Variants in ZNF804B observed in about 807,000 individuals in gnomAD.
ZNF804B encodes the protein zinc finger 804B.
ZNF804B carries 80 observed loss-of-function variants against 101.4 expected under a neutral mutation model. The ratio of observed to expected loss-of-function variants is 0.79; its 90% CI spans 0.66 to 0.95. The LOEUF (loss-of-function observed/expected upper bound fraction) is 0.95, where lower values mean the gene tolerates loss of function less well. Among genes scored for constraint, ZNF804B ranks in the 40% least tolerant of loss-of-function variants. The pLI, the probability that ZNF804B is intolerant of heterozygous loss-of-function variation, is 0.00. For synonymous variants in ZNF804B, 622 were observed against 558.8 expected (o/e 1.11, Z -1.59); for missense variants, 1,673 against 1,561.9 (o/e 1.07, Z -1.20).
At chr7:89,023,651 T>C (rs1255242967) in intron 1 of ZNF804B, among the ~76,000 whole-genome samples, 1 of 152,160 alleles carries the variant, frequency 6.6e-6, no homozygotes, top group Non-Finnish European at 1.5e-5. Context: ...AAGAAAAAAT[T>C]CATTTGTTCC....
intron 1 of ZNF804B, among the ~76,000 whole-genome samples, chr7:88,925,988 A>T (rs1792791351): frequency 6.6e-6 from 1 of 152,116 alleles, no homozygotes; most frequent in Admixed American, 6.6e-5. Context: ...ATGTTGGGAG[A>T]CCTGCCCATA....
intron 2 of ZNF804B, among the ~76,000 whole-genome samples, chr7:89,267,627 C>T (rs1789821158): frequency 6.6e-6 from 1 of 152,154 alleles, no homozygotes; most frequent in African/African-American, 2.4e-5. Flanking sequence ...GACAGGACTT[C>T]TGGTTGTCCA....
At chr7:88,881,451 G>A (rs895681558) in intron 1 of ZNF804B, among the ~76,000 whole-genome samples, 1 of 152,038 alleles carries the variant, frequency 6.6e-6, no homozygotes, top group African/African-American at 2.4e-5. Flanking sequence ...CTTTAAATAA[G>A]AATGCAGAGA....
chr7:88,993,038 C>G lies in ZNF804B; in HGVS notation c.109-225117C>G, dbSNP rs1265679789. Reference sequence around the variant, plus strand: ...CACATATTTTATTAAAAGAAAAAAGCAGCACAACATAAGAAAATGGCCAAA... The same window carrying G: ...CACATATTTTATTAAAAGAAAAAAGGAGCACAACATAAGAAAATGGCCAAA... On this transcript the variant is annotated intron_variant, in intron 1 of 3. Transcript: ENST00000333190. Among the ~76,000 whole-genome samples the G allele has an allele frequency of 4.0e-5, 6 of 151,810 alleles. No homozygotes were observed. The South Asian group carries it at 1.3e-3, about 32-fold the overall frequency.
chr7:89,043,669 A>C (rs1051487561), intron 1 of ZNF804B, among the ~76,000 whole-genome samples: 1 of 152,202 alleles, frequency 6.6e-6, no homozygotes, highest in Non-Finnish European at 1.5e-5. Flanking sequence ...ACATTTTAAC[A>C]AATGTACTGT....
At chr7:89,075,684 G>A (rs2373836) in intron 1 of ZNF804B, among the ~76,000 whole-genome samples, 75,303 of 151,936 alleles carry the variant, frequency 0.5, 19,119 homozygotes, top group Middle Eastern at 0.57. Flanking sequence ...TAGAGTATGA[G>A]AAGAAGGCCA....
At chr7:88,889,669 G>A (rs764332649) in intron 1 of ZNF804B, among the ~76,000 whole-genome samples, 12 of 89,408 alleles carry the variant, frequency 1.3e-4, no homozygotes, top group Admixed American at 3.4e-4. Flanking sequence ...GTAGATTCTG[G>A]ATATTAGACA....
intron 1 of ZNF804B, among the ~76,000 whole-genome samples, chr7:89,020,031 A>C (rs1241204190): frequency 6.6e-6 from 1 of 151,818 alleles, no homozygotes; most frequent in Non-Finnish European, 1.5e-5. Flanking sequence ...CTTATTGTTT[A>C]TTTTTGAAGT....
Position 89,322,956 on chromosome 7 carries a change from C to T in ZNF804B, c.250-4388C>T, listed in dbSNP as rs558026702. 5.3e-5 allele frequency among the ~76,000 whole-genome samples: 8 copies of T among 152,220 alleles called. No homozygotes were observed. The East Asian group carries it at 1.4e-3, about 26-fold the overall frequency. On this transcript the variant is annotated intron_variant, in intron 2 of 3. Transcript: ENST00000333190. ...TTATTACCATGGTATTTGTTATAGA[C>T]CATAAGTTTATGTTCCCTCAAACCC... is the stretch of plus-strand genomic sequence containing the variant.
chr7:89,230,420 A>G (rs1789173187), intron 2 of ZNF804B, among the ~76,000 whole-genome samples: 1 of 152,102 alleles, frequency 6.6e-6, no homozygotes, highest in East Asian at 1.9e-4. Flanking sequence ...TAAAAGACAC[A>G]ATCTATCCAA....
Position 89,182,215 on chromosome 7 carries a change from C to T in ZNF804B, c.109-35940C>T, listed in dbSNP as rs188635676. Among the ~76,000 whole-genome samples the T allele has an allele frequency of 9.9e-5, 15 of 152,152 alleles. 1 individual carries two copies. The East Asian group carries it at 2.9e-3, about 29-fold the overall frequency. On this transcript the variant is annotated intron_variant, in intron 1 of 3. Transcript: ENST00000333190. ...CATAGTATTGTGGATATAATTTATG[C>T]GTCTAAAATTGAGATGCCATGTAAA...
intron 1 of ZNF804B, among the ~76,000 whole-genome samples, chr7:88,879,765 A>G (rs1417618456): frequency 6.6e-6 from 1 of 152,166 alleles, no homozygotes; most frequent in Non-Finnish European, 1.5e-5. Flanking sequence ...GAAGGCAGGC[A>G]TGGTGGCTCA....
At chr7:89,077,473 T>C (rs1789632643) in intron 1 of ZNF804B, among the ~76,000 whole-genome samples, 1 of 152,140 alleles carries the variant, frequency 6.6e-6, no homozygotes, top group Admixed American at 6.5e-5. Flanking sequence ...TTTGATTAGG[T>C]ATTGTTTAGA....
intron 2 of ZNF804B, among the ~76,000 whole-genome samples, chr7:89,293,761 C>T (rs1299642474): frequency 2.0e-5 from 3 of 151,586 alleles, no homozygotes; most frequent in Non-Finnish European, 2.9e-5. Flanking sequence ...TGCACTCCAG[C>T]CTGGGCGACA....
intron 1 of ZNF804B, among the ~76,000 whole-genome samples, chr7:89,149,881 T>G (rs117208617): frequency 1.3e-5 from 2 of 152,048 alleles, no homozygotes; most frequent in Non-Finnish European, 2.9e-5. Context: ...TGTTGACAGT[T>G]GGACTCAACT....
chr7:89,239,315 A>G (rs1027098800), intron 2 of ZNF804B, among the ~76,000 whole-genome samples: 2 of 152,154 alleles, frequency 1.3e-5, no homozygotes, highest in East Asian at 3.9e-4. Context: ...GGCAACCACA[A>G]CATCATTTCT....
intron 1 of ZNF804B, among the ~76,000 whole-genome samples, chr7:88,870,644 A>AT (rs1791808595): frequency 6.6e-6 from 1 of 152,060 alleles, no homozygotes; most frequent in Admixed American, 6.6e-5. Flanking sequence ...GAAAATGCAG[A>AT]TTTTTAGCTG....
chr7:88,883,337 T>C (rs1268448970), intron 1 of ZNF804B, among the ~76,000 whole-genome samples: 1 of 152,094 alleles, frequency 6.6e-6, no homozygotes, highest in Non-Finnish European at 1.5e-5. Context: ...TCCACGTGTT[T>C]AAAATTAGGC....
chr7:89,184,104 G>T (rs1251407895), intron 1 of ZNF804B, among the ~76,000 whole-genome samples: 1 of 152,120 alleles, frequency 6.6e-6, no homozygotes, highest in Non-Finnish European at 1.5e-5. Context: ...CATTTAGTTT[G>T]TGATGTAAGG....
Sources: allele counts gnomAD v4.1 joint callset (sites outside exome capture counted in the v4.1 genomes callset), GRCh38; gene constraint gnomAD v4.1.1; transcripts MANE v1.5; gene names NCBI Gene and HGNC (gene_info 2026-07-23, HGNC 2026-07-21).